BCL9: variants seen among roughly 807,000 people sequenced by gnomAD.
BCL9 encodes the protein BCL9 transcription coactivator, also known as B-cell CLL/lymphoma 9 protein.
A neutral mutation model predicts 88.5 loss-of-function variants in BCL9; 25 were observed. The ratio of observed to expected loss-of-function variants is 0.28; its 90% CI spans 0.21 to 0.39. The LOEUF (loss-of-function observed/expected upper bound fraction) is 0.39, where lower values mean the gene tolerates loss of function less well. BCL9 is among the 10% of genes least tolerant of loss of function. The pLI is 1.00. For missense variants in BCL9, 1,817 were observed against 1,877.8 expected (o/e 0.97, Z 0.60); for synonymous variants, 711 against 673.3 (o/e 1.06, Z -0.87).
chr1:147,560,494 G>C (rs797030622), intron 1 of BCL9, among the ~76,000 whole-genome samples: 83 of 151,996 alleles, frequency 5.5e-4, no homozygotes, highest in African/African-American at 2.0e-3. Flanking sequence ...GGGGCGGGAT[G>C]GGGGTAGGGC....
At chr1:147,558,067 C>G (rs1655200673) in intron 1 of BCL9, among the ~76,000 whole-genome samples, 1 of 152,116 alleles carries the variant, frequency 6.6e-6, no homozygotes. Flanking sequence ...TACACACTAT[C>G]AATGTTAAAA....
intron 1 of BCL9, among the ~76,000 whole-genome samples, chr1:147,569,471 T>TAAAAAAA (rs1202661712): frequency 1.1e-4 from 1 of 9,302 alleles, no homozygotes; most frequent in Admixed American, 9.7e-4. Context: ...TCTACTAAAA[T>TAAAAAAA]ACAAAAAAAA....
In BCL9 at chr1:147,624,732, G is replaced by C. The variant is rs1304500620; in HGVS notation, c.4054G>C (p.Ala1352Pro). ...PGQPTLMSNP[A>P]AAVGMIPGKD... ...CCAGCCCACCCTGATGAGCAATCCA[G>C]CTGCTGCCGTGGGCATGATTCCTGG... The change falls in exon 10 of 10, where the codon GCT becomes CCT. Residue 1352 changes from alanine (A) to proline (P), a missense_variant. Physicochemically the swap from Ala to Pro is conservative, Grantham distance 27. Transcript: ENST00000234739. This position sits in a 1 kb window ranked among gnomAD's most constrained non-coding sequence, Gnocchi z 4.4. 2 of 1,614,050 alleles carry C rather than the reference G, an allele frequency of 1.2e-6. No individual in the cohort carries two copies. Among genetic ancestry groups the C allele is most frequent in the Non-Finnish European group, 1.7e-6 (2 of 1,180,030 alleles).
intron 3 of BCL9, among the ~76,000 whole-genome samples, chr1:147,609,413 T>C (rs892592859): frequency 3.9e-5 from 6 of 152,172 alleles, no homozygotes; most frequent in African/African-American, 1.4e-4. Flanking sequence ...TTTCAACCTC[T>C]GTGCTGTCTC....
chr1:147,621,032 A>G lies in BCL9; in HGVS notation c.2877A>G (p.Pro959=), dbSNP rs782157027. The G allele has an allele frequency of 2.7e-5, 43 of 1,613,642 alleles. No individual in the cohort carries two copies. Among genetic ancestry groups the G allele is most frequent in the Non-Finnish European group, 3.5e-5 (41 of 1,179,898 alleles). The change falls in exon 8 of 10, where the codon CCA becomes CCG. Residue 959 remains proline, a synonymous_variant. Transcript: ENST00000234739. The stretch of plus-strand genomic sequence containing the variant: ...AAGCACCCCTCACCATGGCCTCCCC[A>G]GCCATGCTGGGAAATGTAGAGTCAG... The part of the protein sequence containing the change: ...NHKAPLTMAS[P]AMLGNVESGG...
intron 1 of BCL9, among the ~76,000 whole-genome samples, chr1:147,548,044 C>T (rs1406290217): frequency 6.6e-6 from 1 of 152,162 alleles, no homozygotes; most frequent in Non-Finnish European, 1.5e-5. Flanking sequence ...AAATTCAAAA[C>T]TACCACTAAT....
In BCL9 at chr1:147,606,855, C is replaced by G. The variant is rs1240438096; in HGVS notation, c.-271C>G. 7 of 152,528 alleles carry G rather than the reference C, an allele frequency of 4.6e-5. No homozygotes were observed. Among genetic ancestry groups the G allele is most frequent in the Non-Finnish European group, 1.0e-4 (7 of 68,046 alleles). The allele number at this position is 152,528 out of a possible 1,614,324, so 9.4% of individuals were successfully genotyped here. On this transcript the variant is annotated 5_prime_UTR_variant, in exon 3 of 10. Transcript: ENST00000234739. Reference sequence around the variant, plus strand: ...GGATGAGCACTGCAGTGTCGTGACCCTTGGGGTTTTGGTGAGTACACTGAT... The same window carrying G: ...GGATGAGCACTGCAGTGTCGTGACCGTTGGGGTTTTGGTGAGTACACTGAT...
intron 1 of BCL9, among the ~76,000 whole-genome samples, chr1:147,562,152 A>C (rs1242551014): frequency 2.6e-5 from 4 of 152,092 alleles, no homozygotes; most frequent in Admixed American, 2.6e-4. Flanking sequence ...AACATGGAGA[A>C]ACCCTGTCTC....
intron 1 of BCL9, among the ~76,000 whole-genome samples, chr1:147,574,358 A>G (rs782133169): frequency 1.1e-4 from 17 of 152,204 alleles, no homozygotes; most frequent in Non-Finnish European, 1.9e-4. Flanking sequence ...ATGTTTTTAC[A>G]GTATTTGTTT....
chr1:147,592,731 T>A (rs1656895975), intron 1 of BCL9, among the ~76,000 whole-genome samples: 1 of 152,150 alleles, frequency 6.6e-6, no homozygotes, highest in South Asian at 2.1e-4. Flanking sequence ...TTTTGGAAAA[T>A]CCAGAGATGA....
intron 1 of BCL9, among the ~76,000 whole-genome samples, chr1:147,550,308 C>A (rs1557818815): frequency 1.3e-5 from 2 of 152,118 alleles, no homozygotes; most frequent in Non-Finnish European, 2.9e-5. Context: ...TTCCACGTAA[C>A]TGGCAATGAA....
intron 1 of BCL9, among the ~76,000 whole-genome samples, chr1:147,575,088 T>C (rs587615449): frequency 3.9e-4 from 59 of 152,364 alleles, no homozygotes; most frequent in Non-Finnish European, 1.2e-4. Flanking sequence ...ATTTACTATG[T>C]GCTGGATGCT....
chr1:147,546,067 T>C (rs587687531), intron 1 of BCL9, among the ~76,000 whole-genome samples: 3 of 152,294 alleles, frequency 2.0e-5, no homozygotes, highest in Non-Finnish European at 2.9e-5. Context: ...CCAGGCACGG[T>C]GGCTTAATCC....
At chr1:147,597,577 G>A (rs1191237346) in intron 1 of BCL9, among the ~76,000 whole-genome samples, 3 of 152,164 alleles carry the variant, frequency 2.0e-5, no homozygotes, top group African/African-American at 7.2e-5. Flanking sequence ...TGTATATACA[G>A]TGTGTTAAAT....
intron 1 of BCL9, among the ~76,000 whole-genome samples, chr1:147,603,595 G>A (rs1407710168): frequency 2.0e-5 from 3 of 152,100 alleles, no homozygotes; most frequent in African/African-American, 7.2e-5. Flanking sequence ...TCCACCTCCT[G>A]GGTTCAAGCA....
intron 1 of BCL9, among the ~76,000 whole-genome samples, chr1:147,542,109 C>A (rs1313437011): frequency 6.6e-6 from 1 of 152,184 alleles, no homozygotes. Flanking sequence ...CGCCGAGTGA[C>A]TGCAGAGATT....
intron 1 of BCL9, among the ~76,000 whole-genome samples, chr1:147,556,049 A>C (rs1314410587): frequency 6.6e-6 from 1 of 152,210 alleles, no homozygotes; most frequent in African/African-American, 2.4e-5. Context: ...GTCCTAGAGT[A>C]GCCTACTACT....
chr1:147,560,334 A>G (rs1655318572), intron 1 of BCL9, among the ~76,000 whole-genome samples: 1 of 152,124 alleles, frequency 6.6e-6, no homozygotes, highest in South Asian at 2.1e-4. Context: ...TCACACCTGT[A>G]ATCCCAGCAC....
At chr1:147,557,035 C>A (rs1443040849) in intron 1 of BCL9, among the ~76,000 whole-genome samples, 6 of 152,216 alleles carry the variant, frequency 3.9e-5, no homozygotes, top group African/African-American at 1.4e-4. Flanking sequence ...CAGCAATCTA[C>A]TGTCTAGAAG....
Sources: gnomAD v4.1 joint callset for allele counts (sites outside exome capture counted in the v4.1 genomes callset) on GRCh38, gnomAD v4.1.1 for gene constraint, Gnocchi (gnomAD v3.1) non-coding constraint, MANE v1.5 for transcripts, NCBI Gene and HGNC (gene_info 2026-07-23, HGNC 2026-07-21) for gene names.